Variants in OSTF1 observed in about 807,000 individuals in gnomAD.
OSTF1 encodes osteoclast stimulating factor 1.
A neutral mutation model predicts 37.2 loss-of-function variants in OSTF1; 27 were observed. The ratio of observed to expected loss-of-function variants is 0.73; its 90% CI spans 0.54 to 1.00. The LOEUF (loss-of-function observed/expected upper bound fraction) is 1.00, where lower values mean the gene tolerates loss of function less well. Ranked by LOEUF, OSTF1 falls within the 50% of genes least tolerant of loss-of-function variation. The pLI is 0.00. For synonymous variants in OSTF1, 82 were observed against 89.2 expected (o/e 0.92, Z 0.46); for missense variants, 232 against 253.8 (o/e 0.91, Z 0.58).
intron 2 of OSTF1, among the ~76,000 whole-genome samples, chr9:75,126,723 G>GCTATGATTA (rs1825668255): frequency 6.6e-6 from 1 of 152,136 alleles, no homozygotes; most frequent in African/African-American, 2.4e-5. Flanking sequence ...CTCCCGAGTA[G>GCTATGATTA]CTATGATTAC....
At chr9:75,093,110 G>A (rs1307003836) in intron 1 of OSTF1, among the ~76,000 whole-genome samples, 1 of 144,412 alleles carries the variant, frequency 6.9e-6, no homozygotes, top group African/African-American at 2.6e-5. Context: ...GACCAGGCTG[G>A]TCTTGCTCTC....
intron 6 of OSTF1, 63 bp from the exon 7 acceptor site, chr9:75,134,283 A>T: frequency 1.4e-6 from 1 of 705,808 alleles, no homozygotes; most frequent in East Asian, 2.7e-5. Flanking sequence ...AAATTATTGT[A>T]CCTAGATTTG....
Position 75,088,681 on chromosome 9 carries a change from C to G in OSTF1, c.-12C>G, listed in dbSNP as rs1824857297. 6.2e-7 allele frequency: 1 copy of G among 1,607,588 alleles called. No homozygotes were observed. Among genetic ancestry groups the G allele is most frequent in the African/African-American group, 1.3e-5 (1 of 74,704 alleles). On this transcript the variant is annotated 5_prime_UTR_variant, in exon 1 of 10. Coordinates refer to ENST00000346234, the MANE Select transcript of OSTF1 (RefSeq NM_012383.5). ...GGCGGGGTCTTTAGGATTTGCAGCT[C>G]CAGGAAGCGAGATGTCGAAGCCGCC... is the stretch of plus-strand genomic sequence containing the variant.
chr9:75,090,408 C>T (rs1327913540), intron 1 of OSTF1, among the ~76,000 whole-genome samples: 1 of 152,012 alleles, frequency 6.6e-6, no homozygotes, highest in Non-Finnish European at 1.5e-5. Context: ...TGGATACATT[C>T]CCAGGAACCT....
intron 3 of OSTF1, among the ~76,000 whole-genome samples, chr9:75,129,693 T>C (rs535060280): frequency 1.3e-5 from 2 of 152,222 alleles, no homozygotes; most frequent in East Asian, 1.9e-4. Context: ...TCCATAGAGG[T>C]TGACACTACA....
At chr9:75,125,827 A>T (rs370070997) in intron 2 of OSTF1, among the ~76,000 whole-genome samples, 1 of 152,238 alleles carries the variant, frequency 6.6e-6, no homozygotes, top group Non-Finnish European at 1.5e-5. Context: ...GTGCAGAATC[A>T]TATTTACTGC....
chr9:75,089,826 C>T (rs1418050601), intron 1 of OSTF1, among the ~76,000 whole-genome samples: 1 of 152,192 alleles, frequency 6.6e-6, no homozygotes, highest in Non-Finnish European at 1.5e-5. Context: ...TTTTCCTAAA[C>T]TCTATAGCTT....
At chr9:75,126,066 C>T (rs1825656901) in intron 2 of OSTF1, among the ~76,000 whole-genome samples, 1 of 152,086 alleles carries the variant, frequency 6.6e-6, no homozygotes, top group African/African-American at 2.4e-5. Flanking sequence ...TGCACCACCA[C>T]ACCTGGCACA....
rs201709512 is a variant in OSTF1 at position 75,137,528 on chromosome 9, A to G, written c.409-10A>G. ...CTTAAAAATGGTACTTTCTCTTTTT[A>G]TCACTATAGAACAAGTTGGGAGATA... On this transcript the variant is annotated splice_polypyrimidine_tract_variant and intron_variant, in intron 7 of 9. Coordinates refer to ENST00000346234, the MANE Select transcript of OSTF1 (RefSeq NM_012383.5). 34 of 1,577,732 alleles carry G rather than the reference A, an allele frequency of 2.2e-5. No homozygotes were observed. The highest frequency in any genetic ancestry group is 3.0e-5 in the Non-Finnish European group (34 of 1,147,122).
intron 1 of OSTF1, among the ~76,000 whole-genome samples, chr9:75,111,736 C>T (rs1354787723): frequency 6.6e-6 from 1 of 151,326 alleles, no homozygotes; most frequent in Non-Finnish European, 1.5e-5. Flanking sequence ...AACTTAGCCT[C>T]CTTGCATACA....
chr9:75,106,725 G>A (rs1294718620), intron 1 of OSTF1, among the ~76,000 whole-genome samples: 1 of 150,904 alleles, frequency 6.6e-6, no homozygotes, highest in African/African-American at 2.4e-5. Flanking sequence ...GGAGGCCGGG[G>A]CGGGCGGATC....
intron 1 of OSTF1, among the ~76,000 whole-genome samples, chr9:75,106,424 C>T (rs1825284676): frequency 6.6e-6 from 1 of 151,928 alleles, no homozygotes; most frequent in African/African-American, 2.4e-5. Context: ...GCAGGCGGAT[C>T]ACCTGAAGTC....
intron 1 of OSTF1, among the ~76,000 whole-genome samples, 165 bp downstream of exon 1, chr9:75,088,891 G>C (rs190130973): frequency 1.2e-3 from 180 of 152,122 alleles, no homozygotes; most frequent in African/African-American, 4.1e-3. Context: ...TCGCTGTTAC[G>C]GAGGAGGGAT....
At chr9:75,141,293 TATCTCAAAAAAAG>T (rs1825938962) in intron 9 of OSTF1, among the ~76,000 whole-genome samples, 1 of 81,600 alleles carries the variant, frequency 1.2e-5, no homozygotes, top group Non-Finnish European at 2.2e-5. Context: ...AGCAAGACCA[TATCTCAAAAAAAG>T]AAAACCAAAA....
In OSTF1 at chr9:75,117,560, C is replaced by G; in HGVS notation, c.81+10C>G. The stretch of plus-strand genomic sequence containing the variant: ...GTTTGAACCCAGAACTGTAAGTGTT[C>G]AGTTTTTAACTTCTAAAATTGACAG... On this transcript the variant is annotated intron_variant, in intron 2 of 9. Coordinates refer to ENST00000346234, the MANE Select transcript of OSTF1 (RefSeq NM_012383.5). The G allele has an allele frequency of 6.3e-7, 1 of 1,581,172 alleles. No individual in the cohort carries two copies. Among genetic ancestry groups the G allele is most frequent in the Non-Finnish European group, 8.7e-7 (1 of 1,151,170 alleles).
At chr9:75,109,856 A>G (rs1418973908) in intron 1 of OSTF1, among the ~76,000 whole-genome samples, 1 of 152,126 alleles carries the variant, frequency 6.6e-6, no homozygotes, top group Non-Finnish European at 1.5e-5. Context: ...TGGGAATTCT[A>G]TTTGTTCTAT....
rs191413417 is a variant in OSTF1, at chr9:75,089,809, T to C, written c.34+1083T>C. On this transcript the variant is annotated intron_variant, in intron 1 of 9. Coordinates refer to ENST00000346234, the MANE Select transcript of OSTF1 (RefSeq NM_012383.5). ...AGATGAGTTTCAGTGATTACTTTTT[T>C]CCTTGATTTTCCTAAACTCTATAGC... Among the ~76,000 whole-genome samples, 1,119 of 152,396 alleles carry C rather than the reference T, an allele frequency of 7.3e-3. 19 individuals are homozygous for C. The highest frequency in any genetic ancestry group is 5.8e-3 in the Non-Finnish European group (398 of 68,044).
intron 2 of OSTF1, among the ~76,000 whole-genome samples, chr9:75,122,724 T>C (rs1825599290): frequency 6.6e-6 from 1 of 152,198 alleles, no homozygotes; most frequent in South Asian, 2.1e-4. Context: ...TGTAACATGA[T>C]GATAAGAATA....
chr9:75,088,528 C>T lies in OSTF1; in HGVS notation c.-165C>T, dbSNP rs535417407. ...CGGGGCGGAGCACTCGGCGGAGCCG[C>T]TCTGCCTGCGTCCGCTCTTCCCGCA... On this transcript the variant is annotated 5_prime_UTR_variant, in exon 1 of 10. Transcript: ENST00000346234. 6.8e-6 allele frequency: 5 copies of T among 735,704 alleles called. No individual in the cohort carries two copies. Among genetic ancestry groups the T allele is most frequent in the African/African-American group, 5.3e-5 (3 of 57,022 alleles). 45.6% of individuals were successfully genotyped at this position (735,704 alleles called of 1,614,324 possible). A position where few individuals can be genotyped will look rare whatever the true frequency, so the allele number is the denominator to read the frequency against.
Sources: allele counts gnomAD v4.1 joint callset (sites outside exome capture counted in the v4.1 genomes callset), GRCh38; gene constraint gnomAD v4.1.1; transcripts MANE v1.5; gene names NCBI Gene and HGNC (gene_info 2026-07-23, HGNC 2026-07-21).